Variants in SPTAN1 observed in about 807,000 individuals in gnomAD.
SPTAN1 encodes the protein spectrin alpha chain, non-erythrocytic 1.
SPTAN1 carries 61 observed loss-of-function variants against 331.3 expected under a neutral mutation model. The ratio of observed to expected loss-of-function variants is 0.18; its 90% CI spans 0.15 to 0.23. The LOEUF (loss-of-function observed/expected upper bound fraction) is 0.23. Among genes scored for constraint, SPTAN1 ranks in the 10% least tolerant of loss-of-function variants. SPTAN1 has a pLI of 1.00. For synonymous variants in SPTAN1, 1,153 were observed against 1,173.9 expected (o/e 0.98, Z 0.36); for missense variants, 2,043 against 3,147.9 (o/e 0.65, Z 8.40).
At chr9:128,607,235 C>T (rs1247201040) in intron 31 of SPTAN1, among the ~76,000 whole-genome samples, 1 of 151,702 alleles carries the variant, frequency 6.6e-6, no homozygotes, top group Non-Finnish European at 1.5e-5. Flanking sequence ...AATTCCTGAG[C>T]TCAAGCGATC....
At chr9:128,561,234 G>C (rs926684284) in intron 1 of SPTAN1, among the ~76,000 whole-genome samples, 6 of 151,556 alleles carry the variant, frequency 4.0e-5, no homozygotes, top group African/African-American at 1.5e-4. Context: ...TTAGCTGGGC[G>C]TGGTGGTTTG....
At chr9:128,569,392 T>C (rs1450420438) in intron 3 of SPTAN1, among the ~76,000 whole-genome samples, 2 of 152,062 alleles carry the variant, frequency 1.3e-5, no homozygotes, top group African/African-American at 4.8e-5. Context: ...TATTGGTCAA[T>C]GACCATGGTG....
intron 44 of SPTAN1, among the ~76,000 whole-genome samples, chr9:128,620,598 A>G (rs1857721278): frequency 6.6e-6 from 1 of 152,062 alleles, no homozygotes; most frequent in Non-Finnish European, 1.5e-5. Context: ...CACACCTGTA[A>G]TCCCAGCTAC....
At chr9:128,600,986 T>TTTTTTTTTTTTTG (rs1855063298) in intron 27 of SPTAN1, among the ~76,000 whole-genome samples, 1 of 95,436 alleles carries the variant, frequency 1.0e-5, no homozygotes, top group Non-Finnish European at 2.1e-5. Flanking sequence ...TTTTTTTTTT[T>TTTTTTTTTTTTTG]TTTTTTTTTT....
intron 24 of SPTAN1, among the ~76,000 whole-genome samples, chr9:128,597,802 C>T (rs746905318): frequency 6.6e-6 from 1 of 152,130 alleles, no homozygotes; most frequent in African/African-American, 2.4e-5. Flanking sequence ...AGGCGCCTGC[C>T]ACCGCGCCTA....
intron 41 of SPTAN1, among the ~76,000 whole-genome samples, chr9:128,616,929 C>T (rs923308702): frequency 9.9e-5 from 15 of 151,956 alleles, no homozygotes; most frequent in Non-Finnish European, 1.6e-4. Context: ...AAGACTTTGT[C>T]TCAAAAAATA....
chr9:128,553,639 T>A (rs533315137), intron 1 of SPTAN1, among the ~76,000 whole-genome samples: 1 of 152,370 alleles, frequency 6.6e-6, no homozygotes, highest in East Asian at 1.9e-4. Context: ...AAGTTGAATA[T>A]GTTTTAAATG....
chr9:128,622,870 A>C (rs1388659499), intron 45 of SPTAN1, among the ~76,000 whole-genome samples: 1 of 151,404 alleles, frequency 6.6e-6, no homozygotes, highest in Non-Finnish European at 1.5e-5. Context: ...CTCCTGCCTC[A>C]GCCTCCTGAG....
intron 27 of SPTAN1, among the ~76,000 whole-genome samples, chr9:128,602,756 C>T (rs1855344155): frequency 6.6e-6 from 1 of 152,116 alleles, no homozygotes; most frequent in South Asian, 2.1e-4. Context: ...ATGCCTCAGC[C>T]TCCCAAGTAG....
intron 39 of SPTAN1, 116 bp from the exon 40 acceptor site, chr9:128,613,265 A>G (rs1856769976): frequency 3.8e-6 from 3 of 797,344 alleles, no homozygotes; most frequent in African/African-American, 3.4e-5. Flanking sequence ...ATTGTGATGG[A>G]GAAGTATTCA....
At position 128,594,370 on chromosome 9, in the gene SPTAN1, G is replaced by A. The variant is rs761739036; in HGVS notation, c.3411G>A (p.Gln1137=). Residue 1137 remains glutamine, a synonymous_variant, in exon 24 of 57, where the codon CAG becomes CAA. Coordinates refer to ENST00000372739, the MANE Select transcript of SPTAN1 (RefSeq NM_001130438.3). The stretch of plus-strand genomic sequence containing the variant: ...TCCAGAAGAAGTTTGATGACTTCCA[G>A]AAGGTATGGGCAGTCTTCAGGCTCA... ...EVLQKKFDDF[Q]KDLKANESRL... is the part of the protein sequence containing the mutation. 2.5e-6 allele frequency: 4 copies of A among 1,612,162 alleles called. No homozygotes were observed. The South Asian group carries it at 4.4e-5, about 18-fold the overall frequency.
In SPTAN1 at chr9:128,627,861, C is replaced by T. The variant is rs1859008165; in HGVS notation, c.6690-64C>T. 4 of 1,590,412 alleles carry T rather than the reference C, an allele frequency of 2.5e-6. No individual in the cohort carries two copies. Among genetic ancestry groups the T allele is most frequent in the African/African-American group, 1.3e-5 (1 of 74,412 alleles). ...CTTTCTTGTGTCTTCTCTCTGTCCC[C>T]CCGATTGCTGCTGTTGTCCGGACAC... On this transcript the variant is annotated intron_variant, in intron 50 of 56. Coordinates refer to ENST00000372739, the MANE Select transcript of SPTAN1 (RefSeq NM_001130438.3). This position sits in a 1 kb window ranked among gnomAD's most constrained non-coding sequence, Gnocchi z 4.9.
In SPTAN1 at chr9:128,584,904, G is replaced by A. The variant is rs527664774; in HGVS notation, c.2560+61G>A. ...GCTCCTCGTGTCTCCCCTTCTTGCCGAGGGCATGGCCACGTGGGCATCACA... is the reference window on the plus strand; with the variant it reads ...GCTCCTCGTGTCTCCCCTTCTTGCCAAGGGCATGGCCACGTGGGCATCACA... On this transcript the variant is annotated intron_variant, in intron 18 of 56. Transcript: ENST00000372739. 51 of 1,609,272 alleles carry A rather than the reference G, an allele frequency of 3.2e-5. No homozygotes were observed. The Middle Eastern group carries it at 5.3e-4, about 17-fold the overall frequency.
intron 54 of SPTAN1, 34 bp from the exon 55 acceptor site, chr9:128,632,538 T>C (rs1425303484): frequency 6.2e-7 from 1 of 1,614,154 alleles, no homozygotes; most frequent in Non-Finnish European, 8.5e-7. Flanking sequence ...GCAGCAGGGC[T>C]GCCTGCTGAG....
At chr9:128,605,499 G>A (rs1855712801) in intron 31 of SPTAN1, 22 bp downstream of exon 31, 1 of 1,613,956 alleles carries the variant, frequency 6.2e-7, no homozygotes, top group Admixed American at 1.7e-5. Context: ...TGTTCACTCA[G>A]ACTTCTGGAA....
At position 128,611,857 on chromosome 9, in the gene SPTAN1, C is replaced by A. The variant is rs1272876073; in HGVS notation, c.4905+12C>A. 2 of 1,613,996 alleles carry A rather than the reference C, an allele frequency of 1.2e-6. No individual in the cohort carries two copies. Among genetic ancestry groups the A allele is most frequent in the African/African-American group, 2.7e-5 (2 of 74,906 alleles). ...AGGATGCTGTCAAGGTATGGCCCAC[C>A]AGCTCCCGGTGCCCAGGGAGGAAGA... On this transcript the variant is annotated intron_variant, in intron 38 of 56. Transcript: ENST00000372739.
At chr9:128,599,968 A>G (rs899538948) in intron 26 of SPTAN1, 112 bp from the exon 27 acceptor site, 5 of 1,083,588 alleles carry the variant, frequency 4.6e-6, no homozygotes, top group Middle Eastern at 4.0e-4. Flanking sequence ...TGGTTAATGT[A>G]TTAGTATCTG....
chr9:128,591,774 C>T lies in SPTAN1; in HGVS notation c.3155+149C>T, dbSNP rs1005874008. The T allele has an allele frequency of 1.4e-5, 13 of 921,880 alleles. No homozygotes were observed. The African/African-American group carries it at 2.2e-4, about 15-fold the overall frequency. The allele number at this position is 921,880 out of a possible 1,614,324, so 57.1% of individuals were successfully genotyped here. ...CACCCCACTTTGAGCCCACAGACCT[C>T]CCTGTGTGGGTCTCAGACCCCTGAC... On this transcript the variant is annotated intron_variant, in intron 22 of 56. Coordinates refer to ENST00000372739, the MANE Select transcript of SPTAN1 (RefSeq NM_001130438.3).
In SPTAN1 at chr9:128,618,924, A is replaced by G. The variant is rs756329176; in HGVS notation, c.5654A>G (p.Glu1885Gly). ...LEYQQFVANV[E>G]EEEAWINEKM... ...TATCAGCAGTTTGTAGCCAATGTGG[A>G]AGAGGAAGAAGCCTGGATCAATGAG... The change falls in exon 44 of 57, where the codon GAA (glutamate) becomes GGA (glycine). Residue 1885 changes from glutamate (E) to glycine (G), a missense_variant. Glu to Gly is a moderately conservative substitution (Grantham distance 98). Coordinates refer to ENST00000372739, the MANE Select transcript of SPTAN1 (RefSeq NM_001130438.3). The G allele has an allele frequency of 1.9e-6, 3 of 1,614,146 alleles. 1 individual carries two copies.
Sources: allele counts gnomAD v4.1 joint callset (sites outside exome capture counted in the v4.1 genomes callset), GRCh38; gene constraint gnomAD v4.1.1; non-coding constraint Gnocchi (gnomAD v3.1); transcripts MANE v1.5; gene names NCBI Gene and HGNC (gene_info 2026-07-23, HGNC 2026-07-21).